ANKIB1: variants seen among roughly 807,000 people sequenced by gnomAD.
ANKIB1 encodes the protein ankyrin repeat and IBR domain-containing protein 1.
ANKIB1 carries 43 observed loss-of-function variants against 122.1 expected under a neutral mutation model. The observed-to-expected ratio is 0.35, with a 90% CI of 0.28 to 0.45. ANKIB1 has a LOEUF of 0.45. ANKIB1 is among the 20% of genes least tolerant of loss of function. The pLI is 1.00. For missense variants in ANKIB1, 992 were observed against 1,329.5 expected, an observed-to-expected ratio of 0.75 and a Z score of 3.95; for synonymous variants, 390 against 442.0, an observed-to-expected ratio of 0.88 and a Z score of 1.48.
intron 5 of ANKIB1, among the ~76,000 whole-genome samples, chr7:92,329,863 C>T (rs1803125579): frequency 6.6e-6 from 1 of 152,146 alleles, no homozygotes; most frequent in Non-Finnish European, 1.5e-5. Flanking sequence ...ATTGAAGTAC[C>T]CAGAGTCCTA....
intron 1 of ANKIB1, among the ~76,000 whole-genome samples, chr7:92,266,200 A>T (rs1381852153): frequency 6.6e-6 from 1 of 152,220 alleles, no homozygotes; most frequent in African/African-American, 2.4e-5. Context: ...ATTTGTTCAG[A>T]GGGCTGCTAA....
intron 9 of ANKIB1, among the ~76,000 whole-genome samples, chr7:92,358,210 C>T (rs897232157): frequency 6.6e-6 from 1 of 152,192 alleles, no homozygotes; most frequent in Non-Finnish European, 1.5e-5. Context: ...CCATTGCACT[C>T]CAGCCTGGGC....
chr7:92,261,322 C>A (rs1197454999), intron 1 of ANKIB1, among the ~76,000 whole-genome samples: 1 of 144,054 alleles, frequency 6.9e-6, no homozygotes, highest in Non-Finnish European at 1.5e-5. Context: ...GCACTCCAGC[C>A]TGGGCGACAG....
intron 1 of ANKIB1, among the ~76,000 whole-genome samples, chr7:92,284,872 A>T (rs1225460063): frequency 6.6e-6 from 1 of 152,242 alleles, no homozygotes; most frequent in Non-Finnish European, 1.5e-5. Context: ...TTTTCCAGTG[A>T]ACAACTGGTC....
intron 3 of ANKIB1, among the ~76,000 whole-genome samples, chr7:92,314,343 T>G (rs1016531843): frequency 6.6e-6 from 1 of 151,934 alleles, no homozygotes; most frequent in Non-Finnish European, 1.5e-5. Context: ...AGTGATATTA[T>G]GAAAGCAAAT....
At chr7:92,314,449 C>T (rs1396404456) in intron 3 of ANKIB1, among the ~76,000 whole-genome samples, 2 of 152,154 alleles carry the variant, frequency 1.3e-5, no homozygotes, top group Non-Finnish European at 2.9e-5. Flanking sequence ...TCAAAAGAAT[C>T]GTCCTTAGAC....
chr7:92,399,134 C>A lies in ANKIB1; in HGVS notation c.*185C>A. 1.8e-6 allele frequency: 1 copy of A among 553,600 alleles called. No individual in the cohort carries two copies. The allele number at this position is 553,600 out of a possible 1,614,324, so 34.3% of individuals were successfully genotyped here. A position where few individuals can be genotyped will look rare whatever the true frequency, so the allele number is the denominator to read the frequency against. On this transcript the variant is annotated 3_prime_UTR_variant, in exon 20 of 20. Transcript: ENST00000265742. Reference sequence around the variant, plus strand: ...TTTATTTTAACCTTACAGGGAATTTCCTTTGTACTTAATTGAATAGCTTTT... The same window carrying A: ...TTTATTTTAACCTTACAGGGAATTTACTTTGTACTTAATTGAATAGCTTTT...
At chr7:92,351,729 T>G (rs535206818) in intron 8 of ANKIB1, among the ~76,000 whole-genome samples, 2 of 148,086 alleles carry the variant, frequency 1.4e-5, no homozygotes, top group South Asian at 2.2e-4. Context: ...TGTTTTTTTT[T>G]TTTTTTTTGG....
chr7:92,385,531 C>A (rs936495937), intron 11 of ANKIB1, among the ~76,000 whole-genome samples: 11 of 152,158 alleles, frequency 7.2e-5, no homozygotes, highest in Admixed American at 5.9e-4. Flanking sequence ...TACATATACA[C>A]CATGGAATAC....
At chr7:92,277,697 A>G (rs1366170317) in intron 1 of ANKIB1, among the ~76,000 whole-genome samples, 1 of 152,186 alleles carries the variant, frequency 6.6e-6, no homozygotes, top group Non-Finnish European at 1.5e-5. Flanking sequence ...CTGTAATCCC[A>G]GCAGTTTGGG....
rs376406289 is a variant in ANKIB1 at position 92,288,124 on chromosome 7, G to A, written c.-90-6765G>A. On this transcript the variant is annotated intron_variant, in intron 1 of 19. Transcript: ENST00000265742. ...CCCAAAAAATCCATGAAAAAAAAAC[G>A]AAATCTAGAACTAATAAGTGAATTT... Among the ~76,000 whole-genome samples the A allele has an allele frequency of 3.6e-4, 52 of 143,662 alleles. 2 individuals are homozygous for A. The highest frequency in any genetic ancestry group is 1.1e-3 in the African/African-American group (41 of 38,520). The allele number at this position is 143,662 out of a possible 152,430, so 94.2% of individuals were successfully genotyped here. A position where few individuals can be genotyped will look rare whatever the true frequency, so the allele number is the denominator to read the frequency against.
chr7:92,345,192 G>T, intron 7 of ANKIB1, 126 bp downstream of exon 7: 1 of 636,746 alleles, frequency 1.6e-6, no homozygotes. Context: ...ACACAGAAAT[G>T]AATTTAGACT....
At chr7:92,273,777 CTTTTTTT>C (rs111414202) in intron 1 of ANKIB1, among the ~76,000 whole-genome samples, 2 of 142,962 alleles carry the variant, frequency 1.4e-5, no homozygotes, top group Admixed American at 1.4e-4. Context: ...TATTTTTTTT[CTTTTTTT>C]TTTTTTGAGA....
At chr7:92,260,296 A>G (rs527387242) in intron 1 of ANKIB1, among the ~76,000 whole-genome samples, 17 of 152,258 alleles carry the variant, frequency 1.1e-4, no homozygotes, top group African/African-American at 3.6e-4. Context: ...GTATGCTCCT[A>G]TGCATGCACT....
Position 92,319,481 on chromosome 7 carries a change from A to G in ANKIB1, c.638A>G (p.Glu213Gly). 6.2e-7 allele frequency: 1 copy of G among 1,612,488 alleles called. No individual in the cohort carries two copies. The highest frequency in any genetic ancestry group is 8.5e-7 in the Non-Finnish European group (1 of 1,179,448). Residue 213 changes from glutamate (E) to glycine (G), a missense_variant, in exon 4 of 20, where the codon GAA (glutamate) becomes GGA (glycine). By Grantham distance (98) the Glu-to-Gly change is moderately conservative. Coordinates refer to ENST00000265742, the MANE Select transcript of ANKIB1 (RefSeq NM_019004.2). ...FSRDPEAEEI[E>G]AEYAALDKRE... ...CGGGATCCCGAGGCTGAAGAAATAGAAGCTGAATATGCTGCATTAGACAAA... is the reference window on the plus strand; with the variant it reads ...CGGGATCCCGAGGCTGAAGAAATAGGAGCTGAATATGCTGCATTAGACAAA...
chr7:92,295,031 A>G lies in ANKIB1; in HGVS notation c.53A>G (p.Asn18Ser). 1 of 1,606,602 alleles carries G rather than the reference A, an allele frequency of 6.2e-7. No homozygotes were observed. Among genetic ancestry groups the G allele is most frequent in the Non-Finnish European group, 8.5e-7 (1 of 1,176,542 alleles). ...AAAGCACTCATCAATGGTGATGAAAACCTGGCCTGCCAAATATATGAAAAC... is the reference window on the plus strand; with the variant it reads ...AAAGCACTCATCAATGGTGATGAAAGCCTGGCCTGCCAAATATATGAAAAC... Reference protein sequence around the residue: ...FRKALINGDENLACQIYENNP... With the variant: ...FRKALINGDESLACQIYENNP... Residue 18 changes from asparagine to serine, a missense_variant, in exon 2 of 20, where the codon AAC (asparagine) becomes AGC (serine). This residue lies in a region of ANKIB1 where 54 missense variants were observed against 112.3 expected (regional missense o/e 0.48). Coordinates refer to ENST00000265742, the MANE Select transcript of ANKIB1 (RefSeq NM_019004.2).
intron 11 of ANKIB1, among the ~76,000 whole-genome samples, chr7:92,381,912 G>A (rs1480684695): frequency 6.6e-6 from 1 of 152,098 alleles, no homozygotes; most frequent in Non-Finnish European, 1.5e-5. Context: ...AAATGTAAAT[G>A]GGCTCAATGC....
chr7:92,273,877 A>T (rs1021124055), intron 1 of ANKIB1, among the ~76,000 whole-genome samples: 1 of 151,498 alleles, frequency 6.6e-6, no homozygotes, highest in African/African-American at 2.4e-5. Flanking sequence ...GGCTCAAGGG[A>T]TCCTCCCACC....
intron 1 of ANKIB1, among the ~76,000 whole-genome samples, chr7:92,270,200 C>G (rs2131891083): frequency 6.6e-6 from 1 of 152,200 alleles, no homozygotes; most frequent in East Asian, 1.9e-4. Context: ...GTAGCTGGGA[C>G]TGTAGGCGCA....
Sources: gnomAD v4.1 joint callset for allele counts (sites outside exome capture counted in the v4.1 genomes callset) on GRCh38, gnomAD v4.1.1 for gene constraint, gnomAD v4.1.1 regional missense constraint, MANE v1.5 for transcripts, NCBI Gene and HGNC (gene_info 2026-07-23, HGNC 2026-07-21) for gene names.